PSD2: variants seen among roughly 807,000 people sequenced by gnomAD.
The protein encoded by PSD2 is pleckstrin and Sec7 domain containing 2.
A neutral mutation model predicts 69.8 loss-of-function variants in PSD2; 38 were observed. The ratio of observed to expected loss-of-function variants is 0.54; its 90% CI spans 0.42 to 0.71. The LOEUF is 0.71. Among genes scored for constraint, PSD2 ranks in the 30% least tolerant of loss-of-function variants. The probability of loss-of-function intolerance (pLI) is 0.00; values close to 1 mark genes in which losing one functional copy is unlikely to be tolerated. For synonymous variants in PSD2, 412 were observed against 423.0 expected, an observed-to-expected ratio of 0.97 and a Z score of 0.32; for missense variants, 943 against 1,014.5, an observed-to-expected ratio of 0.93 and a Z score of 0.96.
the PSD2 span, among the ~76,000 whole-genome samples, chr5:139,756,208 A>G: frequency 6.6e-6 from 1 of 151,976 alleles, no homozygotes; most frequent in African/African-American, 2.4e-5. Context: ...GTCATTAACA[A>G]CGGCTCGGAC....
In PSD2 at chr5:139,814,995, A is replaced by G. The variant is rs1300137648; in HGVS notation, c.1016+631A>G. On this transcript the variant is annotated intron_variant, in intron 4 of 14. Transcript: ENST00000274710. The surrounding 1 kb of genome is among the most constrained non-coding windows in gnomAD (Gnocchi z 4.4). ...CCACCTGCCCCTGGCCCTTTCATCCAGATTGCCTCCCAACGTCCGCATTAA... is the reference window on the plus strand; with the variant it reads ...CCACCTGCCCCTGGCCCTTTCATCCGGATTGCCTCCCAACGTCCGCATTAA... Among the ~76,000 whole-genome samples the G allele has an allele frequency of 6.6e-6, 1 of 151,650 alleles. No individual in the cohort carries two copies. Among genetic ancestry groups the G allele is most frequent in the Admixed American group, 6.6e-5 (1 of 15,240 alleles).
chr5:139,752,424 C>T, the PSD2 span, among the ~76,000 whole-genome samples: 9 of 152,240 alleles, frequency 5.9e-5, no homozygotes, highest in East Asian at 1.9e-4. Context: ...AGAGGCAAAG[C>T]GATGGAGAGA....
At chr5:139,773,745 C>T in the PSD2 span, among the ~76,000 whole-genome samples, 18 of 152,242 alleles carry the variant, frequency 1.2e-4, no homozygotes, top group South Asian at 2.5e-3. Flanking sequence ...TGGCTGCCAC[C>T]GCTTGGCTGT....
chr5:139,833,851 G>A, intron 8 of PSD2, 60 bp downstream of exon 8: 1 of 1,286,056 alleles, frequency 7.8e-7, no homozygotes, highest in Non-Finnish European at 1.1e-6. Flanking sequence ...AGAGAGGAGA[G>A]AGGTCTGTGC....
In PSD2 at chr5:139,839,895, G is replaced by A; in HGVS notation, c.1969-132G>A. On this transcript the variant is annotated intron_variant, in intron 13 of 14. Coordinates refer to ENST00000274710, the MANE Select transcript of PSD2 (RefSeq NM_032289.4). The surrounding 1 kb of genome is among the most constrained non-coding windows in gnomAD (Gnocchi z 5.1). ...GCCCTCAGGTCCAGAGTCTGGCTCT[G>A]TCCCCACATTTTGGTGATGCTGGCT... 3 of 948,040 alleles carry A rather than the reference G, an allele frequency of 3.2e-6. No homozygotes were observed. In the Admixed American group the frequency reaches 6.3e-5, roughly 20 times the overall value. 58.7% of individuals were successfully genotyped at this position (948,040 alleles called of 1,614,324 possible). A position where few individuals can be genotyped will look rare whatever the true frequency, so the allele number is the denominator to read the frequency against.
the PSD2 span, among the ~76,000 whole-genome samples, chr5:139,766,833 T>C: frequency 0.091 from 4,228 of 46,312 alleles, 280 homozygotes; most frequent in African/African-American, 0.15. Flanking sequence ...CCTTCCTTCT[T>C]TCTTTCTTTC....
intron 12 of PSD2, among the ~76,000 whole-genome samples, chr5:139,838,370 A>G (rs1760790465): frequency 6.6e-6 from 1 of 152,156 alleles, no homozygotes; most frequent in South Asian, 2.1e-4. Flanking sequence ...CTCCAGGGCC[A>G]CTAGCTGTGG....
At chr5:139,803,401 TCCTTGCAG>T (rs1759721571) in intron 1 of PSD2, among the ~76,000 whole-genome samples, 1 of 152,238 alleles carries the variant, frequency 6.6e-6, no homozygotes, top group African/African-American at 2.4e-5. Flanking sequence ...CCAGCTTGGT[TCCTTGCAG>T]CCCCCAGAAG....
At chr5:139,828,680 A>G (rs1020343376) in intron 7 of PSD2, among the ~76,000 whole-genome samples, 10 of 152,160 alleles carry the variant, frequency 6.6e-5, no homozygotes, top group African/African-American at 2.2e-4. Context: ...TGCTTCTGAA[A>G]TGACCCTTAA....
At chr5:139,820,339 A>G (rs1328102345) in intron 5 of PSD2, among the ~76,000 whole-genome samples, 1 of 146,754 alleles carries the variant, frequency 6.8e-6, no homozygotes, top group Non-Finnish European at 1.5e-5. Flanking sequence ...GGGAGGGGCC[A>G]GGCTGGGGGA....
chr5:139,793,191 A>G (rs190932000), upstream of PSD2, among the ~76,000 whole-genome samples: 327 of 152,134 alleles, frequency 2.1e-3, no homozygotes, highest in African/African-American at 7.5e-3. Context: ...GATCCAACCC[A>G]CTTTGGCCTC....
the PSD2 span, among the ~76,000 whole-genome samples, chr5:139,752,369 C>T: frequency 1.4e-3 from 209 of 152,298 alleles, no homozygotes; most frequent in Non-Finnish European, 2.5e-3. Context: ...CAACTCATCA[C>T]CAGCATGCAC....
chr5:139,817,703 G>T, intron 5 of PSD2, 142 bp downstream of exon 5: 1 of 687,650 alleles, frequency 1.5e-6, no homozygotes. Context: ...AGGGGCCACA[G>T]GAGCAGCAGC....
intron 14 of PSD2, among the ~76,000 whole-genome samples, chr5:139,841,671 C>A (rs1469193978): frequency 1.3e-5 from 2 of 152,202 alleles, no homozygotes; most frequent in African/African-American, 4.8e-5. Context: ...TCCTCACCAA[C>A]ATGTATTTTC....
chr5:139,802,052 G>A (rs937707465), intron 1 of PSD2, among the ~76,000 whole-genome samples: 4 of 152,100 alleles, frequency 2.6e-5, no homozygotes, highest in Non-Finnish European at 5.9e-5. Flanking sequence ...TTTCATCAAG[G>A]AGGCCACAAC....
At chr5:139,826,156 C>G (rs1295127468) in intron 7 of PSD2, among the ~76,000 whole-genome samples, 1 of 152,098 alleles carries the variant, frequency 6.6e-6, no homozygotes, top group African/African-American at 2.4e-5. Flanking sequence ...CATTGGAGAC[C>G]TTTATAAGAG....
Position 139,838,644 on chromosome 5 carries a change from C to A in PSD2, c.1840C>A (p.Leu614Met). The A allele has an allele frequency of 7.4e-6, 12 of 1,613,334 alleles. No homozygotes were observed. Among genetic ancestry groups the A allele is most frequent in the Non-Finnish European group, 1.0e-5 (12 of 1,179,342 alleles). Reference protein sequence around the residue: ...LFQAPSKEEMLSWILRINLVA... With the variant: ...LFQAPSKEEMMSWILRINLVA... ...TGTCCCCAGGAGCAAGGAAGAAATG[C>A]TGTCCTGGATCCTCAGGATCAACCT... Residue 614 changes from leucine (L) to methionine (M), a missense_variant, in exon 13 of 15, where the codon CTG becomes ATG. Leu to Met is a conservative substitution (Grantham distance 15, BLOSUM62 2). Transcript: ENST00000274710.
chr5:139,822,864 T>C, intron 7 of PSD2, 80 bp downstream of exon 7: 2 of 1,290,722 alleles, frequency 1.5e-6, no homozygotes, highest in Non-Finnish European at 2.1e-6. Flanking sequence ...CTTCCTGAGA[T>C]CTCTTACTCA....
chr5:139,768,823 G>C, the PSD2 span, among the ~76,000 whole-genome samples: 1 of 152,126 alleles, frequency 6.6e-6, no homozygotes, highest in African/African-American at 2.4e-5. Flanking sequence ...GCAACATGGT[G>C]GGTGCATCAT....
Sources: allele counts gnomAD v4.1 joint callset (sites outside exome capture counted in the v4.1 genomes callset), GRCh38; gene constraint gnomAD v4.1.1; non-coding constraint Gnocchi (gnomAD v3.1); transcripts MANE v1.5; gene names NCBI Gene and HGNC (gene_info 2026-07-23, HGNC 2026-07-21).